The following NINL variants were observed in gnomAD, a reference collection of about 807,000 sequenced individuals.
NINL encodes the protein ninein like.
Under a neutral mutation model 160.3 loss-of-function variants are expected in NINL, and 153 were observed. The observed-to-expected ratio is 0.95, with a 90% confidence interval of 0.84 to 1.09. The LOEUF (loss-of-function observed/expected upper bound fraction) is 1.09, where lower values mean the gene tolerates loss of function less well. Among genes scored for constraint, NINL ranks in the 50% least tolerant of loss-of-function variants. The pLI is 0.00. For synonymous variants in NINL, 800 were observed against 734.8 expected (o/e 1.09, Z -1.43); for missense variants, 1,829 against 1,764.0 (o/e 1.04, Z -0.66).
chr20:25,571,538 AG>A (rs2065054694), intron 1 of NINL, among the ~76,000 whole-genome samples: 1 of 152,216 alleles, frequency 6.6e-6, no homozygotes, highest in Non-Finnish European at 1.5e-5. Context: ...GAAGGAAAAC[AG>A]GAAGACTTGG....
At chr20:25,579,517 A>G (rs150971657) in intron 1 of NINL, among the ~76,000 whole-genome samples, 16 of 152,324 alleles carry the variant, frequency 1.1e-4, no homozygotes, top group African/African-American at 2.6e-4. Context: ...TGAGGCTCAC[A>G]CAGCCCCCAC....
rs1178197698 is a variant in NINL at position 25,489,286 on chromosome 20, C to T, written c.1635G>A (p.Glu545=). ...PQSAELLAQE[E]RFAAVLKEYE... ...ATTCCTTCAGGACTGCTGCGAACCG[C>T]TCCTCCTGGGCCAGGAGCTCTGCAC... is the stretch of plus-strand genomic sequence containing the variant. The change falls in exon 13 of 24, where the codon GAG becomes GAA. Residue 545 remains glutamate, a synonymous_variant. Transcript: ENST00000278886. 1.2e-6 allele frequency: 2 copies of T among 1,614,128 alleles called. No homozygotes were observed. The highest frequency in any genetic ancestry group is 1.7e-6 in the Non-Finnish European group (2 of 1,180,008).
At chr20:25,565,383 A>G (rs2064988306) in intron 1 of NINL, among the ~76,000 whole-genome samples, 2 of 151,976 alleles carry the variant, frequency 1.3e-5, no homozygotes, top group Non-Finnish European at 2.9e-5. Context: ...AGAGAGAAAG[A>G]AAGGAGGGAA....
At chr20:25,531,976 T>C (rs1247545807) in intron 1 of NINL, among the ~76,000 whole-genome samples, 1 of 152,180 alleles carries the variant, frequency 6.6e-6, no homozygotes, top group African/African-American at 2.4e-5. Context: ...CAGGGGCATC[T>C]TTCCCTTTCT....
intron 5 of NINL, 91 bp from the exon 6 acceptor site, chr20:25,505,169 A>C (rs999780772): frequency 9.9e-6 from 12 of 1,215,020 alleles, no homozygotes; most frequent in Non-Finnish European, 1.0e-5. Context: ...TGCCCTTTCC[A>C]ACAGCGTGAA....
At chr20:25,582,075 G>C (rs1041986774) in intron 1 of NINL, among the ~76,000 whole-genome samples, 1 of 151,928 alleles carries the variant, frequency 6.6e-6, no homozygotes, top group Non-Finnish European at 1.5e-5. Context: ...GGCCAACATG[G>C]TGAAACCCCG....
At chr20:25,575,819 G>C (rs1207661820) in intron 1 of NINL, among the ~76,000 whole-genome samples, 1 of 150,926 alleles carries the variant, frequency 6.6e-6, no homozygotes, top group Non-Finnish European at 1.5e-5. Flanking sequence ...TCCCTCACTC[G>C]GCTGGCTTCA....
At chr20:25,508,972 T>A (rs902608852) in intron 5 of NINL, among the ~76,000 whole-genome samples, 1 of 152,210 alleles carries the variant, frequency 6.6e-6, no homozygotes, top group Non-Finnish European at 1.5e-5. Flanking sequence ...AGCCTGCCCA[T>A]GTGAGGCAGT....
chr20:25,469,923 T>C (rs2063050609), intron 18 of NINL, 68 bp downstream of exon 18: 6 of 1,023,686 alleles, frequency 5.9e-6, no homozygotes, highest in Middle Eastern at 2.0e-4. Context: ...ATATGGAGAC[T>C]GCATAAGGTC....
At chr20:25,520,058 A>AT in intron 2 of NINL, among the ~76,000 whole-genome samples, 1 of 128,960 alleles carries the variant, frequency 7.8e-6, no homozygotes, top group Non-Finnish European at 1.7e-5. Context: ...TGCAGAATTT[A>AT]AAATTCAGAA....
intron 1 of NINL, among the ~76,000 whole-genome samples, chr20:25,545,434 T>A (rs571713351): frequency 6.6e-6 from 1 of 151,862 alleles, no homozygotes; most frequent in African/African-American, 2.4e-5. Context: ...CATTGGCATG[T>A]CCTCATGTAT....
At chr20:25,546,251 T>C (rs2064730743) in intron 1 of NINL, among the ~76,000 whole-genome samples, 2 of 152,184 alleles carry the variant, frequency 1.3e-5, no homozygotes, top group Admixed American at 6.5e-5. Flanking sequence ...CACTTGAGTT[T>C]TTAAGGTTGA....
chr20:25,584,237 G>A (rs1168890892), intron 1 of NINL, among the ~76,000 whole-genome samples: 4 of 152,206 alleles, frequency 2.6e-5, no homozygotes, highest in African/African-American at 7.2e-5. Context: ...TTGGGAGGCC[G>A]AGGCAGCTGG....
intron 18 of NINL, among the ~76,000 whole-genome samples, chr20:25,468,708 T>C (rs1601025035): frequency 8.4e-6 from 1 of 119,424 alleles, no homozygotes; most frequent in African/African-American, 3.2e-5. Flanking sequence ...GGCGCCTCTC[T>C]GCCCTGTCCC....
chr20:25,542,897 G>T (rs1443111782), intron 1 of NINL, among the ~76,000 whole-genome samples: 1 of 151,382 alleles, frequency 6.6e-6, no homozygotes, highest in Non-Finnish European at 1.5e-5. Flanking sequence ...GCCAGGGGTA[G>T]TGGAAGGCAC....
chr20:25,463,205 T>TA (rs1454098212), intron 19 of NINL, among the ~76,000 whole-genome samples: 1 of 152,086 alleles, frequency 6.6e-6, no homozygotes, highest in Non-Finnish European at 1.5e-5. Flanking sequence ...CACACACATC[T>TA]AGGCCACCAG....
intron 1 of NINL, among the ~76,000 whole-genome samples, chr20:25,559,613 G>A (rs1015278302): frequency 2.0e-5 from 3 of 151,440 alleles, no homozygotes; most frequent in African/African-American, 7.3e-5. Flanking sequence ...GTTTTGTTTT[G>A]GTTTTGAGAC....
At position 25,476,468 on chromosome 20, in the gene NINL, C is replaced by CA. The variant is rs2063242949; in HGVS notation, c.2822dup (p.Pro942AlafsTer32). 1 of 1,606,964 alleles carries CA rather than the reference C, an allele frequency of 6.2e-7. No homozygotes were observed. Among genetic ancestry groups the CA allele is most frequent in the Non-Finnish European group, 8.5e-7 (1 of 1,179,862 alleles). On this transcript the variant is annotated frameshift_variant, in exon 17 of 24. Coordinates refer to ENST00000278886, the MANE Select transcript of NINL (RefSeq NM_025176.6). LOFTEE classifies it high-confidence loss of function. ...CGTCTCTCTCTGTTCCCAGCAGAGG[C>CA]AGCTCCCGGGCTCCAGGCTGCTCCA...
chr20:25,539,265 G>A lies in NINL; in HGVS notation c.-11-12667C>T, dbSNP rs142860505. 4.7e-4 allele frequency among the ~76,000 whole-genome samples: 72 copies of A among 152,330 alleles called. 1 individual carries two copies. The East Asian group carries it at 0.013, about 27-fold the overall frequency. ...CACATGCCAGGGTTCACAGCAGCGG[G>A]ATCTTCCTGACCCATGCAAAGACAA... On this transcript the variant is annotated intron_variant, in intron 1 of 23. Coordinates refer to ENST00000278886, the MANE Select transcript of NINL (RefSeq NM_025176.6).
Sources: allele counts gnomAD v4.1 joint callset (sites outside exome capture counted in the v4.1 genomes callset), GRCh38; gene constraint gnomAD v4.1.1; transcripts MANE v1.5; gene names NCBI Gene and HGNC (gene_info 2026-07-23, HGNC 2026-07-21).